Variants in THEMIS observed in about 807,000 individuals in gnomAD.
THEMIS encodes protein THEMIS.
THEMIS carries 37 observed loss-of-function variants against 52.6 expected under a neutral mutation model. That is an observed-to-expected ratio of 0.70 (90% CI 0.54 to 0.93). The LOEUF (loss-of-function observed/expected upper bound fraction) is 0.93. Ranked by LOEUF, THEMIS falls within the 40% of genes least tolerant of loss-of-function variation. The pLI, the probability that THEMIS is intolerant of heterozygous loss-of-function variation, is 0.00. For synonymous variants in THEMIS, 292 were observed against 272.7 expected (o/e 1.07, Z -0.70); for missense variants, 808 against 763.1 (o/e 1.06, Z -0.69).
intron 4 of THEMIS, among the ~76,000 whole-genome samples, chr6:127,721,561 C>T (rs1410245148): frequency 5.9e-5 from 9 of 151,980 alleles, no homozygotes; most frequent in African/African-American, 1.7e-4. Context: ...AGCAATACTA[C>T]AAAAGACAGC....
In THEMIS at chr6:127,906,805, G is replaced by T. The variant is rs146041497; in HGVS notation, c.-149-5724C>A. On this transcript the variant is annotated intron_variant, in intron 1 of 6. Coordinates refer to the THEMIS transcript ENST00000368250. ...TATAGTTAGTATCATTATTGCCAATGATTTCTATCCCAAGAGAAGTATTGT... is the reference window on the plus strand; with the variant it reads ...TATAGTTAGTATCATTATTGCCAATTATTTCTATCCCAAGAGAAGTATTGT... Among the ~76,000 whole-genome samples, 565 of 151,936 alleles carry T rather than the reference G, an allele frequency of 3.7e-3. 12 individuals carry two copies. The highest frequency in any genetic ancestry group is 6.2e-4 in the Non-Finnish European group (42 of 67,862).
chr6:127,787,880 T>TAGATAGATAGATATAGATAG lies in THEMIS; in HGVS notation c.1758+25002_1758+25003insCTATCTATATCTATCTATCT, dbSNP rs200767496. Among the ~76,000 whole-genome samples the TAGATAGATAGATATAGATAG allele has an allele frequency of 9.0e-3, 1,085 of 119,944 alleles. 10 individuals are homozygous for TAGATAGATAGATATAGATAG. Among genetic ancestry groups the TAGATAGATAGATATAGATAG allele is most frequent in the African/African-American group, 0.023 (765 of 33,534 alleles). 78.7% of individuals were successfully genotyped at this position (119,944 alleles called of 152,430 possible). On this transcript the variant is annotated intron_variant, in intron 4 of 5. Coordinates refer to ENST00000368248, the MANE Select transcript of THEMIS (RefSeq NM_001010923.3). ...ATAGATAGATAGATAGATAGATAGA[T>TAGATAGATAGATATAGATAG]ATAGATAGATAGATAGATAGATAGA...
chr6:127,833,768 C>T (rs1041247728), intron 2 of THEMIS, among the ~76,000 whole-genome samples: 1 of 152,122 alleles, frequency 6.6e-6, no homozygotes, highest in Non-Finnish European at 1.5e-5. Flanking sequence ...CTAATGGAAA[C>T]ACTGGATTTG....
intron 4 of THEMIS, among the ~76,000 whole-genome samples, chr6:127,765,194 T>C (rs998280922): frequency 6.6e-6 from 1 of 152,120 alleles, no homozygotes; most frequent in East Asian, 1.9e-4. Context: ...GTATATAAAG[T>C]CATTTGAGAG....
intron 1 of THEMIS, among the ~76,000 whole-genome samples, chr6:127,893,755 T>A (rs1357545432): frequency 6.6e-6 from 1 of 152,002 alleles, no homozygotes; most frequent in Non-Finnish European, 1.5e-5. Flanking sequence ...TCCCCCAAAA[T>A]TTGTCACAGA....
intron 4 of THEMIS, among the ~76,000 whole-genome samples, chr6:127,726,717 C>T (rs897411730): frequency 3.3e-5 from 5 of 152,112 alleles, no homozygotes; most frequent in South Asian, 2.1e-4. Context: ...TTCATGGATG[C>T]GGGAAGAACT....
intron 5 of THEMIS, 58 bp from the exon 6 acceptor site, chr6:127,710,074 A>T: frequency 8.0e-7 from 1 of 1,249,890 alleles, no homozygotes. Context: ...ACCAGAAAGG[A>T]AACTGCCTGC....
chr6:127,841,181 G>A (rs1348505904), intron 2 of THEMIS, among the ~76,000 whole-genome samples: 1 of 151,980 alleles, frequency 6.6e-6, no homozygotes, highest in Non-Finnish European at 1.5e-5. Flanking sequence ...TGGTGGGGGA[G>A]GCTGCCATAT....
At chr6:127,824,364 T>A (rs1778434705) in intron 3 of THEMIS, among the ~76,000 whole-genome samples, 1 of 152,076 alleles carries the variant, frequency 6.6e-6, no homozygotes, top group Non-Finnish European at 1.5e-5. Flanking sequence ...CAAAGATTCT[T>A]CTTAGGTGAA....
chr6:127,731,420 GA>G (rs1774790640), intron 4 of THEMIS, among the ~76,000 whole-genome samples: 1 of 151,836 alleles, frequency 6.6e-6, no homozygotes, highest in Non-Finnish European at 1.5e-5. Flanking sequence ...GCAACTTATA[GA>G]AAAATCTCCC....
chr6:127,887,513 C>G (rs1454419855), intron 1 of THEMIS, among the ~76,000 whole-genome samples: 1 of 152,050 alleles, frequency 6.6e-6, no homozygotes, highest in African/African-American at 2.4e-5. Context: ...CAATAAAATA[C>G]TATTTACCAA....
chr6:127,763,782 T>A (rs1583247428), intron 4 of THEMIS, among the ~76,000 whole-genome samples: 1 of 152,126 alleles, frequency 6.6e-6, no homozygotes, highest in Middle Eastern at 3.4e-3. Context: ...CTAATAATTT[T>A]ACATTGATTA....
chr6:127,866,688 C>G (rs943307603), intron 1 of THEMIS, among the ~76,000 whole-genome samples: 2 of 151,866 alleles, frequency 1.3e-5, no homozygotes, highest in African/African-American at 2.4e-5. Context: ...AATAATCACT[C>G]TTATTGAACA....
In THEMIS at chr6:127,710,634, T is replaced by C. The variant is rs564532890; in HGVS notation, c.1895-618A>G. Among the ~76,000 whole-genome samples the C allele has an allele frequency of 3.3e-5, 5 of 152,146 alleles. No individual in the cohort carries two copies. In the South Asian group the frequency reaches 1.0e-3, roughly 32 times the overall value. ...ACACATACCTGGCATTGAGACAACA[T>C]CATGTCAGACTCTCAAATAAAGCAA... On this transcript the variant is annotated intron_variant, in intron 5 of 5. Transcript: ENST00000368248.
At chr6:127,700,191 C>T in the THEMIS span, among the ~76,000 whole-genome samples, 1 of 151,658 alleles carries the variant, frequency 6.6e-6, no homozygotes, top group Non-Finnish European at 1.5e-5. Flanking sequence ...AGAAGGAAAA[C>T]ATTAGAGTAG....
chr6:127,725,075 T>C (rs956886202), intron 4 of THEMIS, among the ~76,000 whole-genome samples: 1 of 152,056 alleles, frequency 6.6e-6, no homozygotes. Context: ...ACTTGAAGTA[T>C]CCTAGATAAT....
intron 4 of THEMIS, among the ~76,000 whole-genome samples, chr6:127,739,819 A>T (rs1775135805): frequency 6.6e-6 from 1 of 152,120 alleles, no homozygotes; most frequent in South Asian, 2.1e-4. Flanking sequence ...TTTGGTATGA[A>T]TCCGCAATTT....
chr6:127,714,680 T>C (rs962276281), intron 5 of THEMIS, among the ~76,000 whole-genome samples: 1 of 151,956 alleles, frequency 6.6e-6, no homozygotes, highest in Non-Finnish European at 1.5e-5. Flanking sequence ...ATTCTTTGAA[T>C]TAGAGCTTAG....
At chr6:127,705,696 A>G (rs919998021), downstream of THEMIS, among the ~76,000 whole-genome samples, 12 of 152,174 alleles carry the variant, frequency 7.9e-5, no homozygotes, top group African/African-American at 2.9e-4. Context: ...CCAACATGAT[A>G]TCCTGTGTAA....
Sources: allele counts gnomAD v4.1 joint callset (sites outside exome capture counted in the v4.1 genomes callset), GRCh38; gene constraint gnomAD v4.1.1; transcripts MANE v1.5; gene names NCBI Gene and HGNC (gene_info 2026-07-23, HGNC 2026-07-21).